Variants in NR5A1 observed in about 807,000 individuals in gnomAD.
NR5A1 encodes the protein nuclear receptor subfamily 5 group A member 1.
In NR5A1, 6 loss-of-function variants were observed where a neutral mutation model predicts 42.7. The ratio of observed to expected loss-of-function variants is 0.14; its 90% confidence interval spans 0.08 to 0.28. The LOEUF is 0.28. Among genes scored for constraint, NR5A1 ranks in the 10% least tolerant of loss-of-function variants. The pLI, the probability that NR5A1 is intolerant of heterozygous loss-of-function variation, is 1.00. For synonymous variants in NR5A1, 274 were observed against 277.5 expected (o/e 0.99, Z 0.12); for missense variants, 442 against 626.4 (o/e 0.71, Z 3.14).
intron 6 of NR5A1, 83 bp downstream of exon 6, chr9:124,490,998 G>A (rs1019309351): frequency 4.6e-6 from 7 of 1,520,828 alleles, no homozygotes; most frequent in African/African-American, 4.2e-5. Context: ...GGCCACAGCA[G>A]GGCTACCTCT....
rs1381948822 is a variant in NR5A1 at position 124,500,534 on chromosome 9, G to A, written c.426C>T (p.Pro142=). 7 of 1,608,754 alleles carry A rather than the reference G, an allele frequency of 4.4e-6. No individual in the cohort carries two copies. The highest frequency in any genetic ancestry group is 5.9e-6 in the Non-Finnish European group (7 of 1,179,420). Residue 142 remains proline, a synonymous_variant, in exon 4 of 7, where the codon CCC becomes CCT. Transcript: ENST00000373588. This position sits in a 1 kb window ranked among gnomAD's most constrained non-coding sequence, Gnocchi z 6.9. The part of the protein sequence containing the change: ...PPPAPDYVLP[P]SLHGPEPKGL... ...CCTTGGGCTCAGGCCCATGCAGGCT[G>A]GGAGGCAGCACGTAGTCCGGTGCGG...
intron 6 of NR5A1, among the ~76,000 whole-genome samples, chr9:124,488,866 C>T (rs1475910469): frequency 6.6e-6 from 1 of 152,248 alleles, no homozygotes; most frequent in South Asian, 2.1e-4. Context: ...ACACACAGCA[C>T]GAGTGCGCAC....
chr9:124,484,658 G>T (rs1832181098), intron 6 of NR5A1, among the ~76,000 whole-genome samples: 1 of 152,144 alleles, frequency 6.6e-6, no homozygotes, highest in Non-Finnish European at 1.5e-5. Context: ...GGAGGTTGAG[G>T]CTGGTGAATC....
At chr9:124,485,144 T>C (rs1832188896) in intron 6 of NR5A1, among the ~76,000 whole-genome samples, 1 of 152,010 alleles carries the variant, frequency 6.6e-6, no homozygotes, top group African/African-American at 2.4e-5. Context: ...CTCTTTCAGC[T>C]CCTGGGCAGC....
rs1451668738 is a variant in NR5A1, at chr9:124,501,772, C to T, written c.245-1057G>A. Among the ~76,000 whole-genome samples the T allele has an allele frequency of 5.3e-5, 8 of 152,228 alleles. No individual in the cohort carries two copies. Among genetic ancestry groups the T allele is most frequent in the Non-Finnish European group, 1.0e-4 (7 of 68,040 alleles). On this transcript the variant is annotated intron_variant, in intron 3 of 6. Coordinates refer to ENST00000373588, the MANE Select transcript of NR5A1 (RefSeq NM_004959.5). This position sits in a 1 kb window ranked among gnomAD's most constrained non-coding sequence, Gnocchi z 4.1. Reference sequence around the variant, plus strand: ...CTCTCCCATCCAGGAGTCCTTTCTCCAGGTGGCAGGGCATGTGGTCCACCA... The same window carrying T: ...CTCTCCCATCCAGGAGTCCTTTCTCTAGGTGGCAGGGCATGTGGTCCACCA...
In NR5A1 at chr9:124,482,647, C is replaced by G; in HGVS notation, c.*111G>C. ...GGCCTCTGGGACGGGGCTGGGGCTC[C>G]TCGGTGGGCATCAGAAAATGAACCA... On this transcript the variant is annotated 3_prime_UTR_variant, in exon 7 of 7. Coordinates refer to ENST00000373588, the MANE Select transcript of NR5A1 (RefSeq NM_004959.5). 1.6e-6 allele frequency: 2 copies of G among 1,289,824 alleles called. No individual in the cohort carries two copies. Among genetic ancestry groups the G allele is most frequent in the South Asian group, 1.3e-5 (1 of 77,252 alleles). The allele number at this position is 1,289,824 out of a possible 1,614,324, so 79.9% of individuals were successfully genotyped here.
At chr9:124,499,940 T>C in intron 4 of NR5A1, 150 bp downstream of exon 4, 1 of 1,031,274 alleles carries the variant, frequency 9.7e-7, no homozygotes, top group Non-Finnish European at 1.5e-6. Flanking sequence ...GTGGAAATGC[T>C]CCTTAATGTC....
intron 6 of NR5A1, among the ~76,000 whole-genome samples, chr9:124,485,847 C>T (rs560296746): frequency 3.0e-4 from 45 of 152,258 alleles, no homozygotes; most frequent in African/African-American, 1.0e-3. Flanking sequence ...CATCTGCCTT[C>T]GCTCCCCACC....
At position 124,496,465 on chromosome 9, in the gene NR5A1, G is replaced by A. The variant is rs1832392366; in HGVS notation, c.871-3316C>T. 6.6e-6 allele frequency among the ~76,000 whole-genome samples: 1 copy of A among 152,046 alleles called. No individual in the cohort carries two copies. The highest frequency in any genetic ancestry group is 1.5e-5 in the Non-Finnish European group (1 of 68,016). ...ACATCAGCCATCCACCCCTCCCACC[G>A]GACCGCCACAAATCTTCCTGGAGCC... On this transcript the variant is annotated intron_variant, in intron 4 of 6. Transcript: ENST00000373588. This position sits in a 1 kb window ranked among gnomAD's most constrained non-coding sequence, Gnocchi z 5.0.
rs1209017220 is a variant in NR5A1 at position 124,501,953 on chromosome 9, G to A, written c.244+1126C>T. 6.6e-6 allele frequency among the ~76,000 whole-genome samples: 1 copy of A among 152,202 alleles called. No homozygotes were observed. The highest frequency in any genetic ancestry group is 1.5e-5 in the Non-Finnish European group (1 of 68,024). On this transcript the variant is annotated intron_variant, in intron 3 of 6. Coordinates refer to ENST00000373588, the MANE Select transcript of NR5A1 (RefSeq NM_004959.5). This position sits in a 1 kb window ranked among gnomAD's most constrained non-coding sequence, Gnocchi z 4.1. ...CTCTGGGCTGAGAGCTGGGGTTGAG[G>A]GTAGGGAGGCAAAGAGGGGCCTGGG...
chr9:124,506,672 G>A (rs538513614), intron 1 of NR5A1, among the ~76,000 whole-genome samples: 5 of 152,166 alleles, frequency 3.3e-5, no homozygotes, highest in Admixed American at 1.3e-4. Flanking sequence ...TACTCTCACC[G>A]GCTGGAAGCC....
At chr9:124,487,004 C>T (rs1022370051) in intron 6 of NR5A1, among the ~76,000 whole-genome samples, 2 of 152,258 alleles carry the variant, frequency 1.3e-5, no homozygotes, top group African/African-American at 2.4e-5. Flanking sequence ...GCATGCCCAG[C>T]TCTGGGCCCT....
chr9:124,483,882 G>A (rs1318106753), intron 6 of NR5A1, among the ~76,000 whole-genome samples: 1 of 152,188 alleles, frequency 6.6e-6, no homozygotes, highest in Non-Finnish European at 1.5e-5. Context: ...CCCCAGGAAG[G>A]ACTCTCATGG....
rs554576183 is a variant in NR5A1, at chr9:124,494,254, G to A, written c.871-1105C>T. ...TTCCACTGCAGCCCTACAGCCCTGCGAGTTTCGTATAGTCGCCACCCACAT... is the reference window on the plus strand; with the variant it reads ...TTCCACTGCAGCCCTACAGCCCTGCAAGTTTCGTATAGTCGCCACCCACAT... On this transcript the variant is annotated intron_variant, in intron 4 of 6. Transcript: ENST00000373588. 5.9e-5 allele frequency among the ~76,000 whole-genome samples: 9 copies of A among 152,326 alleles called. 1 individual carries two copies. In the South Asian group the frequency reaches 1.7e-3, roughly 28 times the overall value.
intron 1 of NR5A1, among the ~76,000 whole-genome samples, chr9:124,505,201 C>G (rs888825127): frequency 1.3e-5 from 2 of 152,212 alleles, no homozygotes; most frequent in East Asian, 1.9e-4. Context: ...CCGAGTGCCC[C>G]GCGATCTGGG....
At chr9:124,499,209 G>C (rs777212505) in intron 4 of NR5A1, among the ~76,000 whole-genome samples, 1 of 152,202 alleles carries the variant, frequency 6.6e-6, no homozygotes, top group Non-Finnish European at 1.5e-5. Flanking sequence ...GCACTGGAGG[G>C]GCAGTTCTGG....
chr9:124,501,096 C>A lies in NR5A1; in HGVS notation c.245-381G>T. On this transcript the variant is annotated intron_variant, in intron 3 of 6. Coordinates refer to ENST00000373588, the MANE Select transcript of NR5A1 (RefSeq NM_004959.5). This position sits in a 1 kb window ranked among gnomAD's most constrained non-coding sequence, Gnocchi z 4.1. Reference sequence around the variant, plus strand: ...GGAAGCACTCCTGGATTCATGCAAACGGGCTCTACTGTCCTTGCCCCAGGT... The same window carrying A: ...GGAAGCACTCCTGGATTCATGCAAAAGGGCTCTACTGTCCTTGCCCCAGGT... 9 of 508,732 alleles carry A rather than the reference C, an allele frequency of 1.8e-5. No individual in the cohort carries two copies. The highest frequency in any genetic ancestry group is 1.4e-4 in the South Asian group (9 of 64,784). 31.5% of individuals were successfully genotyped at this position (508,732 alleles called of 1,614,324 possible).
At chr9:124,504,789 C>G (rs1027150243) in intron 1 of NR5A1, among the ~76,000 whole-genome samples, 7 of 146,398 alleles carry the variant, frequency 4.8e-5, no homozygotes, top group African/African-American at 1.2e-4. Flanking sequence ...CAGCGCCGCC[C>G]GCCCGCGATG....
intron 6 of NR5A1, among the ~76,000 whole-genome samples, chr9:124,486,987 C>G (rs1201522977): frequency 1.3e-5 from 2 of 152,248 alleles, no homozygotes; most frequent in Non-Finnish European, 2.9e-5. Context: ...GGAGCTGGCT[C>G]TCATCTGCAT....
Sources: gnomAD v4.1 joint callset for allele counts (sites outside exome capture counted in the v4.1 genomes callset) on GRCh38, gnomAD v4.1.1 for gene constraint, Gnocchi (gnomAD v3.1) non-coding constraint, MANE v1.5 for transcripts, NCBI Gene and HGNC (gene_info 2026-07-23, HGNC 2026-07-21) for gene names.